The following HSD17B7 variants were observed in gnomAD, a reference collection of about 807,000 sequenced individuals.
HSD17B7 encodes the protein hydroxysteroid 17-beta dehydrogenase 7, also known as 3-keto-steroid reductase/17-beta-hydroxysteroid dehydrogenase 7.
Under a neutral mutation model 34.1 loss-of-function variants are expected in HSD17B7, and 17 were observed. The ratio of observed to expected loss-of-function variants is 0.50; its 90% CI spans 0.34 to 0.75. HSD17B7 has a LOEUF of 0.75. Among genes scored for constraint, HSD17B7 ranks in the 30% least tolerant of loss-of-function variants. HSD17B7 has a pLI of 0.01. For synonymous variants in HSD17B7, 122 were observed against 154.6 expected (o/e 0.79, Z 1.56); for missense variants, 296 against 406.6 (o/e 0.73, Z 2.34).
At chr1:162,810,454 T>A (rs1327754126) in intron 8 of HSD17B7, among the ~76,000 whole-genome samples, 1 of 152,238 alleles carries the variant, frequency 6.6e-6, no homozygotes, top group Non-Finnish European at 1.5e-5. Context: ...GTTCTGTAGA[T>A]GTCTATTAGG....
chr1:162,799,884 A>G lies in HSD17B7; in HGVS notation c.589A>G (p.Lys197Glu). ...AGGCAAGGAACCCTACAGCTCTTCC[A>G]AATATGCCACTGACCTTTTGAGTGT... ...SKGKEPYSSS[K>E]YATDLLSVAL... The change falls in exon 5 of 9, where the codon AAA becomes GAA. Residue 197 changes from lysine to glutamate, a missense_variant. By Grantham distance (56) the Lys-to-Glu change is moderately conservative. Transcript: ENST00000254521. 1 of 1,614,098 alleles carries G rather than the reference A, an allele frequency of 6.2e-7. No individual in the cohort carries two copies. The highest frequency in any genetic ancestry group is 8.5e-7 in the Non-Finnish European group (1 of 1,179,988).
At chr1:162,794,221 G>A (rs752891095) in intron 2 of HSD17B7, among the ~76,000 whole-genome samples, 8 of 152,266 alleles carry the variant, frequency 5.3e-5, no homozygotes, top group African/African-American at 1.9e-4. Context: ...TTGTTTCCTT[G>A]GACAGTAGAA....
intron 5 of HSD17B7, among the ~76,000 whole-genome samples, chr1:162,800,855 C>A (rs1356105456): frequency 2.0e-5 from 3 of 152,228 alleles, no homozygotes; most frequent in Non-Finnish European, 4.4e-5. Flanking sequence ...TGTTTTACCT[C>A]AACGGAGCTT....
At chr1:162,807,119 C>T (rs565329662) in intron 8 of HSD17B7, among the ~76,000 whole-genome samples, 9 of 152,226 alleles carry the variant, frequency 5.9e-5, no homozygotes, top group African/African-American at 1.9e-4. Flanking sequence ...GCTATCCCTC[C>T]CCTCTACACC....
chr1:162,806,177 T>C (rs1648975906), intron 8 of HSD17B7, among the ~76,000 whole-genome samples: 1 of 152,192 alleles, frequency 6.6e-6, no homozygotes, highest in Admixed American at 6.5e-5. Context: ...AACTACTTTG[T>C]TGTACTTTTG....
At chr1:162,808,951 AC>A (rs1649083376) in intron 8 of HSD17B7, among the ~76,000 whole-genome samples, 1 of 152,228 alleles carries the variant, frequency 6.6e-6, no homozygotes, top group South Asian at 2.1e-4. Context: ...CTAATTGAAT[AC>A]CCTTTATTTC....
At chr1:162,804,539 C>T (rs1196072817) in intron 7 of HSD17B7, among the ~76,000 whole-genome samples, 1 of 152,154 alleles carries the variant, frequency 6.6e-6, no homozygotes, top group Non-Finnish European at 1.5e-5. Context: ...GCACTGGGCA[C>T]CATGACTGTA....
At chr1:162,792,154 A>T (rs893666860) in intron 1 of HSD17B7, among the ~76,000 whole-genome samples, 5 of 152,196 alleles carry the variant, frequency 3.3e-5, no homozygotes, top group Non-Finnish European at 7.3e-5. Context: ...CCTCATCCTG[A>T]AAGATTCATC....
chr1:162,796,588 T>A lies in HSD17B7; in HGVS notation c.243T>A (p.Phe81Leu). ...FRASKELKQRFQRLDCIYLNA... is the reference protein window; with the variant it reads ...FRASKELKQRLQRLDCIYLNA... ...TTGTTTGGTGGTTTACTTGCAGGTT[T>A]CAGAGATTAGACTGTATATATCTAA... Residue 81 changes from phenylalanine to leucine, a missense_variant, in exon 3 of 9, where the codon TTT becomes TTA. Phe to Leu is a conservative substitution (Grantham distance 22, BLOSUM62 0). Coordinates refer to ENST00000254521, the MANE Select transcript of HSD17B7 (RefSeq NM_016371.4). 1 of 1,598,694 alleles carries A rather than the reference T, an allele frequency of 6.3e-7. No homozygotes were observed. The highest frequency in any genetic ancestry group is 2.2e-5 in the East Asian group (1 of 44,768).
At chr1:162,804,938 C>T (rs1166981522) in intron 7 of HSD17B7, among the ~76,000 whole-genome samples, 2 of 152,218 alleles carry the variant, frequency 1.3e-5, no homozygotes, top group Admixed American at 6.5e-5. Context: ...CCTCTGCTAA[C>T]GGTTCAGAAT....
intron 5 of HSD17B7, among the ~76,000 whole-genome samples, chr1:162,802,276 C>A (rs763564072): frequency 1.4e-4 from 21 of 152,136 alleles, no homozygotes; most frequent in Non-Finnish European, 2.6e-4. Context: ...GTTGGAAACG[C>A]TGGATTTTAG....
chr1:162,803,552 C>T lies in HSD17B7; in HGVS notation c.747+17C>T. Reference sequence around the variant, plus strand: ...ATATTGCTAGTAAGTGATGAATATACTTCTTTTCTTAACTCATAAAAATCT... The same window carrying T: ...ATATTGCTAGTAAGTGATGAATATATTTCTTTTCTTAACTCATAAAAATCT... On this transcript the variant is annotated intron_variant, in intron 6 of 8. Coordinates refer to ENST00000254521, the MANE Select transcript of HSD17B7 (RefSeq NM_016371.4). 1 of 1,608,926 alleles carries T rather than the reference C, an allele frequency of 6.2e-7. No homozygotes were observed.
chr1:162,805,858 G>T (rs924872178), intron 8 of HSD17B7, among the ~76,000 whole-genome samples: 7 of 152,156 alleles, frequency 4.6e-5, no homozygotes, highest in Admixed American at 4.6e-4. Flanking sequence ...CAGAATGTAA[G>T]CTCTTTGAGG....
intron 8 of HSD17B7, among the ~76,000 whole-genome samples, chr1:162,807,342 A>G (rs1012302438): frequency 6.6e-6 from 1 of 152,204 alleles, no homozygotes; most frequent in Non-Finnish European, 1.5e-5. Context: ...TATGCTGTAT[A>G]TGTGCCACAT....
intron 4 of HSD17B7, chr1:162,798,943 G>T: frequency 3.6e-6 from 1 of 279,704 alleles, no homozygotes. Context: ...GTGGTGAGCC[G>T]AGGTCATGCC....
chr1:162,798,042 G>A lies in HSD17B7; in HGVS notation c.447+126G>A. The A allele has an allele frequency of 4.3e-6, 6 of 1,397,152 alleles. 1 individual carries two copies. Among genetic ancestry groups the A allele is most frequent in the South Asian group, 3.5e-5 (2 of 57,876 alleles). The allele number at this position is 1,397,152 out of a possible 1,614,324, so 86.5% of individuals were successfully genotyped here. ...TTTAATCTCATGTTTGAGTTTTCTTGATTGCATTTGCCTTGTTTATTGTGA... is the reference window on the plus strand; with the variant it reads ...TTTAATCTCATGTTTGAGTTTTCTTAATTGCATTTGCCTTGTTTATTGTGA... On this transcript the variant is annotated intron_variant, in intron 4 of 8. Coordinates refer to ENST00000254521, the MANE Select transcript of HSD17B7 (RefSeq NM_016371.4).
At chr1:162,793,243 C>G (rs1432484031) in intron 2 of HSD17B7, among the ~76,000 whole-genome samples, 1 of 152,178 alleles carries the variant, frequency 6.6e-6, no homozygotes, top group Non-Finnish European at 1.5e-5. Context: ...CCATGTTGGT[C>G]AGGCTGGTTT....
intron 2 of HSD17B7, 72 bp from the exon 3 acceptor site, chr1:162,796,513 A>G (rs1302969421): frequency 9.7e-6 from 9 of 927,750 alleles, no homozygotes; most frequent in Non-Finnish European, 1.4e-5. Flanking sequence ...GTCACTCTAG[A>G]GATAGAATAC....
At chr1:162,801,483 A>G (rs1260967881) in intron 5 of HSD17B7, among the ~76,000 whole-genome samples, 3 of 152,208 alleles carry the variant, frequency 2.0e-5, no homozygotes, top group Admixed American at 1.3e-4. Context: ...AGTGTTTTGT[A>G]TTCAGAATGT....
Sources: gnomAD v4.1 joint callset for allele counts (sites outside exome capture counted in the v4.1 genomes callset) on GRCh38, gnomAD v4.1.1 for gene constraint, MANE v1.5 for transcripts, NCBI Gene and HGNC (gene_info 2026-07-23, HGNC 2026-07-21) for gene names.